MTUS2: variants seen among roughly 807,000 people sequenced by gnomAD.
MTUS2 encodes microtubule associated scaffold protein 2, also known as microtubule-associated tumor suppressor candidate 2.
MTUS2 carries 40 observed loss-of-function variants against 114.1 expected under a neutral mutation model. The ratio of observed to expected loss-of-function variants is 0.35; its 90% CI spans 0.27 to 0.46. MTUS2 has a LOEUF of 0.46. MTUS2 is among the 20% of genes least tolerant of loss of function. The pLI, the probability that MTUS2 is intolerant of heterozygous loss-of-function variation, is 1.00. For missense variants in MTUS2, 1,679 were observed against 1,705.4 expected (o/e 0.98, Z 0.27); for synonymous variants, 688 against 672.0 (o/e 1.02, Z -0.37).
chr13:29,162,210 A>G (rs1893127697), intron 5 of MTUS2, among the ~76,000 whole-genome samples: 1 of 152,186 alleles, frequency 6.6e-6, no homozygotes, highest in Admixed American at 6.5e-5. Flanking sequence ...CCTCATCTTA[A>G]CTTGATAACA....
intron 2 of MTUS2, among the ~76,000 whole-genome samples, chr13:28,966,555 C>G (rs9508203): frequency 2.6e-5 from 4 of 151,800 alleles, no homozygotes; most frequent in Non-Finnish European, 5.9e-5. Context: ...AGAACCTTTT[C>G]TACAAAAAAT....
intron 5 of MTUS2, among the ~76,000 whole-genome samples, chr13:29,105,999 C>T (rs1316696818): frequency 6.6e-6 from 1 of 152,092 alleles, no homozygotes; most frequent in Admixed American, 6.5e-5. Flanking sequence ...TGTTTGTCTC[C>T]TGGGTGCTAA....
chr13:29,078,016 G>A (rs1889273684), intron 4 of MTUS2, among the ~76,000 whole-genome samples: 1 of 152,022 alleles, frequency 6.6e-6, no homozygotes, highest in Admixed American at 6.6e-5. Flanking sequence ...AAAGAAAAAT[G>A]ATATTATTTT....
intron 5 of MTUS2, among the ~76,000 whole-genome samples, chr13:29,207,952 G>A (rs1303615891): frequency 1.3e-5 from 2 of 152,082 alleles, no homozygotes; most frequent in East Asian, 3.8e-4. Flanking sequence ...GAATGATTTA[G>A]GGAGGATTCC....
At chr13:29,502,475 G>A (rs1010515732) in intron 15 of MTUS2, among the ~76,000 whole-genome samples, 1 of 152,228 alleles carries the variant, frequency 6.6e-6, no homozygotes, top group African/African-American at 2.4e-5. Context: ...GGCAGACACA[G>A]ACCCCTAGAG....
intron 4 of MTUS2, among the ~76,000 whole-genome samples, chr13:29,057,588 A>C (rs1477314968): frequency 2.6e-5 from 4 of 152,108 alleles, no homozygotes; most frequent in Non-Finnish European, 1.5e-5. Context: ...GTTGGCTTAA[A>C]GTCTGTTTTG....
intron 2 of MTUS2, among the ~76,000 whole-genome samples, chr13:28,937,764 C>T (rs932710913): frequency 6.6e-6 from 1 of 152,140 alleles, no homozygotes; most frequent in Admixed American, 6.5e-5. Flanking sequence ...CAGTGACCTT[C>T]TTGGTGCCAT....
At chr13:29,351,876 A>G (rs1869319378) in intron 7 of MTUS2, among the ~76,000 whole-genome samples, 1 of 151,922 alleles carries the variant, frequency 6.6e-6, no homozygotes, top group African/African-American at 2.4e-5. Context: ...TGGCCTCTCA[A>G]AGTGCTGGGA....
At chr13:29,126,243 C>T (rs75994296) in intron 5 of MTUS2, among the ~76,000 whole-genome samples, 2,970 of 152,286 alleles carry the variant, frequency 0.02, 107 homozygotes, top group African/African-American at 0.068. Context: ...ACCTCTATGA[C>T]TGCAGTAACC....
chr13:29,239,496 T>A (rs1999716), intron 5 of MTUS2: 18 of 151,952 alleles, frequency 1.2e-4, no homozygotes, highest in South Asian at 6.2e-4. Flanking sequence ...ACAATATGTC[T>A]TCTTCTATTA....
At chr13:29,243,876 G>C (rs1322111351) in intron 5 of MTUS2, among the ~76,000 whole-genome samples, 1 of 152,194 alleles carries the variant, frequency 6.6e-6, no homozygotes, top group Non-Finnish European at 1.5e-5. Flanking sequence ...AGCCAGGGTT[G>C]AAAAGCACTG....
intron 2 of MTUS2, among the ~76,000 whole-genome samples, chr13:28,952,227 C>G (rs1297499779): frequency 1.3e-5 from 2 of 152,200 alleles, no homozygotes; most frequent in Non-Finnish European, 1.5e-5. Flanking sequence ...ATGTAAAGCT[C>G]TTTCCAATCC....
At chr13:29,061,212 T>C (rs1483525959) in intron 4 of MTUS2, among the ~76,000 whole-genome samples, 1 of 152,218 alleles carries the variant, frequency 6.6e-6, no homozygotes, top group Non-Finnish European at 1.5e-5. Context: ...GCAGGTAGTT[T>C]AGTTACTTTT....
In MTUS2 at chr13:29,087,320, G is replaced by GA. The variant is rs1260672461; in HGVS notation, c.2447-13451dup. Among the ~76,000 whole-genome samples the GA allele has an allele frequency of 2.0e-5, 3 of 152,186 alleles. No homozygotes were observed. The East Asian group carries it at 5.8e-4, about 29-fold the overall frequency. On this transcript the variant is annotated intron_variant, in intron 4 of 15. Coordinates refer to ENST00000612955, the MANE Select transcript of MTUS2 (RefSeq NM_001033602.4). The stretch of plus-strand genomic sequence containing the variant: ...GAGGTTTTTAACATGAAAGGATGTT[G>GA]AATTTTATTGAAAGCTTTTGCTGTG...
intron 8 of MTUS2, among the ~76,000 whole-genome samples, chr13:29,420,762 C>T (rs1022184527): frequency 1.3e-5 from 2 of 152,188 alleles, no homozygotes; most frequent in Non-Finnish European, 2.9e-5. Flanking sequence ...CCAACCTATT[C>T]ATCTAGCTAG....
chr13:28,971,139 T>C (rs193221775), intron 2 of MTUS2, among the ~76,000 whole-genome samples: 7 of 152,332 alleles, frequency 4.6e-5, no homozygotes, highest in Non-Finnish European at 7.3e-5. Flanking sequence ...TTTGGGATTT[T>C]TCAAATACTA....
chr13:29,386,205 G>C, intron 8 of MTUS2, among the ~76,000 whole-genome samples: 1 of 152,140 alleles, frequency 6.6e-6, no homozygotes, highest in East Asian at 1.9e-4. Context: ...TTAAAACTAA[G>C]GTAGACTTTA....
At chr13:28,990,680 C>T (rs1188375895) in intron 2 of MTUS2, among the ~76,000 whole-genome samples, 2 of 113,530 alleles carry the variant, frequency 1.8e-5, no homozygotes. Flanking sequence ...TAAAATAGAC[C>T]AATCAGCAGG....
chr13:29,155,839 TTATAA>T (rs1179383220), intron 5 of MTUS2, among the ~76,000 whole-genome samples: 1 of 152,138 alleles, frequency 6.6e-6, no homozygotes, highest in African/African-American at 2.4e-5. Context: ...TGATTGTTAA[TTATAA>T]TATCATTAAC....
Sources: gnomAD v4.1 joint callset for allele counts (sites outside exome capture counted in the v4.1 genomes callset) on GRCh38, gnomAD v4.1.1 for gene constraint, MANE v1.5 for transcripts, NCBI Gene and HGNC (gene_info 2026-07-23, HGNC 2026-07-21) for gene names.